Variants in TOGARAM1 observed in about 807,000 individuals in gnomAD.
TOGARAM1 encodes the protein TOG array regulator of axonemal microtubules 1.
A neutral mutation model predicts 166.6 loss-of-function variants in TOGARAM1; 100 were observed. The ratio of observed to expected loss-of-function variants is 0.60; its 90% CI spans 0.51 to 0.71. The LOEUF (loss-of-function observed/expected upper bound fraction) is 0.71, where lower values mean the gene tolerates loss of function less well. Among genes scored for constraint, TOGARAM1 ranks in the 30% least tolerant of loss-of-function variants. The pLI, the probability that TOGARAM1 is intolerant of heterozygous loss-of-function variation, is 0.00. For missense variants in TOGARAM1, 2,029 were observed against 2,102.7 expected, an observed-to-expected ratio of 0.96 and a Z score of 0.69; for synonymous variants, 758 against 763.8, an observed-to-expected ratio of 0.99 and a Z score of 0.13.
intron 1 of TOGARAM1, among the ~76,000 whole-genome samples, chr14:44,988,214 C>G (rs1886950642): frequency 6.6e-6 from 1 of 151,904 alleles, no homozygotes; most frequent in Non-Finnish European, 1.5e-5. Flanking sequence ...TGTAACAAAC[C>G]TGCACATTGT....
At chr14:45,061,399 T>A (rs1456105195) in intron 16 of TOGARAM1, among the ~76,000 whole-genome samples, 1 of 152,218 alleles carries the variant, frequency 6.6e-6, no homozygotes, top group East Asian at 1.9e-4. Context: ...ACCTTAATAC[T>A]GTGCTGGTTA....
At chr14:44,995,664 A>T in intron 1 of TOGARAM1, 82 bp from the exon 2 acceptor site, 1 of 952,712 alleles carries the variant, frequency 1.0e-6, no homozygotes, top group Admixed American at 2.7e-5. Context: ...TGAATTTCAT[A>T]ATTGGATCTA....
At chr14:45,009,210 T>A in intron 6 of TOGARAM1, 65 bp downstream of exon 6, 3 of 1,181,490 alleles carry the variant, frequency 2.5e-6, no homozygotes, top group Non-Finnish European at 2.4e-6. Context: ...AGCCCTAATA[T>A]CATATTTGTA....
rs1037674439 is a variant in TOGARAM1, at chr14:44,962,716, C to T, written c.295C>T (p.Leu99Phe). The T allele has an allele frequency of 1.2e-6, 2 of 1,613,916 alleles. No individual in the cohort carries two copies. The highest frequency in any genetic ancestry group is 1.7e-6 in the Non-Finnish European group (2 of 1,180,038). Reference sequence around the variant, plus strand: ...AGGGGGAGATGAAGAGGACACTCGGCTCCTTCAACTCCTCCGCACTGCCCG... The same window carrying T: ...AGGGGGAGATGAAGAGGACACTCGGTTCCTTCAACTCCTCCGCACTGCCCG... ...LSGGDEEDTR[L>F]LQLLRTARDP... The change falls in exon 1 of 20, where the codon CTC becomes TTC. Residue 99 changes from leucine (L) to phenylalanine (F), a missense_variant. Around this residue, in one of 2 missense-constraint regions of TOGARAM1, gnomAD observed 1,453 missense variants for 1,432.2 expected, o/e 1.01. Transcript: ENST00000361462.
At chr14:45,065,377 G>T (rs953698505) in intron 16 of TOGARAM1, among the ~76,000 whole-genome samples, 10 of 152,138 alleles carry the variant, frequency 6.6e-5, no homozygotes, top group Admixed American at 4.6e-4. Flanking sequence ...CAACACTAAT[G>T]ATGGCTGATG....
chr14:45,071,294 T>G (rs1883370469), intron 18 of TOGARAM1, among the ~76,000 whole-genome samples: 1 of 152,016 alleles, frequency 6.6e-6, no homozygotes, highest in Non-Finnish European at 1.5e-5. Context: ...AGTTTTTTTT[T>G]TTTTTTTTTT....
intron 11 of TOGARAM1, among the ~76,000 whole-genome samples, chr14:45,039,151 G>A (rs1215186914): frequency 6.6e-6 from 1 of 152,144 alleles, no homozygotes; most frequent in Non-Finnish European, 1.5e-5. Context: ...CTATCTGTAG[G>A]CAGGTTGTGC....
chr14:45,042,953 G>A (rs1881801792), intron 11 of TOGARAM1, among the ~76,000 whole-genome samples: 2 of 152,158 alleles, frequency 1.3e-5, no homozygotes, highest in East Asian at 3.8e-4. Flanking sequence ...GGAGATTAAT[G>A]TTGTTTTCAT....
intron 13 of TOGARAM1, among the ~76,000 whole-genome samples, chr14:45,045,497 A>G (rs985067058): frequency 1.3e-4 from 18 of 136,480 alleles, no homozygotes; most frequent in East Asian, 1.1e-3. Context: ...AAAAGACACT[A>G]TTTAATTCAT....
At chr14:45,039,657 C>T (rs1020337865) in intron 11 of TOGARAM1, among the ~76,000 whole-genome samples, 3 of 152,146 alleles carry the variant, frequency 2.0e-5, no homozygotes, top group African/African-American at 7.2e-5. Flanking sequence ...AACTTTGCTC[C>T]AAAATTGGAG....
intron 11 of TOGARAM1, among the ~76,000 whole-genome samples, chr14:45,040,343 T>G (rs780937401): frequency 6.6e-6 from 1 of 152,122 alleles, no homozygotes; most frequent in Non-Finnish European, 1.5e-5. Flanking sequence ...ACACCTATAT[T>G]AGAAAAGAAG....
intron 7 of TOGARAM1, among the ~76,000 whole-genome samples, chr14:45,023,977 G>A (rs2138897261): frequency 6.6e-6 from 1 of 152,272 alleles, no homozygotes; most frequent in Non-Finnish European, 1.5e-5. Context: ...CTGACCTCAG[G>A]TGATCTGCCC....
intron 1 of TOGARAM1, among the ~76,000 whole-genome samples, chr14:44,964,971 AAAG>A (rs1450727080): frequency 8.0e-5 from 12 of 150,656 alleles, no homozygotes; most frequent in Admixed American, 4.6e-4. Context: ...AAAAAAAAAA[AAAG>A]GAAAAAGAAA....
chr14:45,058,021 T>C (rs1275427877), intron 16 of TOGARAM1, among the ~76,000 whole-genome samples: 4 of 152,214 alleles, frequency 2.6e-5, no homozygotes, highest in African/African-American at 9.6e-5. Flanking sequence ...ATAATCTGCC[T>C]AGTACTGTGA....
rs574742974 is a variant in TOGARAM1, at chr14:45,060,139, C to T, written c.4559+5590C>T. On this transcript the variant is annotated intron_variant, in intron 16 of 19. Transcript: ENST00000361462. Reference sequence around the variant, plus strand: ...TTCACCGTGTTAGCCAGGATGGTCTCGATCTCCTGACCTTGTGATCTGCCC... The same window carrying T: ...TTCACCGTGTTAGCCAGGATGGTCTTGATCTCCTGACCTTGTGATCTGCCC... 2.7e-5 allele frequency among the ~76,000 whole-genome samples: 4 copies of T among 150,656 alleles called. No homozygotes were observed. The South Asian group carries it at 6.3e-4, about 24-fold the overall frequency.
chr14:45,065,713 G>C (rs190458631), intron 16 of TOGARAM1, among the ~76,000 whole-genome samples: 1 of 152,178 alleles, frequency 6.6e-6, no homozygotes, highest in African/African-American at 2.4e-5. Context: ...TCTTAGAAAG[G>C]CCTGCTTAGA....
At chr14:44,966,507 A>G (rs1045153341) in intron 1 of TOGARAM1, among the ~76,000 whole-genome samples, 5 of 152,134 alleles carry the variant, frequency 3.3e-5, no homozygotes, top group Non-Finnish European at 7.4e-5. Flanking sequence ...AATTAATTAC[A>G]AAAAGAGTAA....
At chr14:44,989,176 C>T (rs565698028) in intron 1 of TOGARAM1, among the ~76,000 whole-genome samples, 11 of 152,290 alleles carry the variant, frequency 7.2e-5, no homozygotes, top group African/African-American at 2.6e-4. Context: ...ATATCTTATA[C>T]AATGACATTG....
chr14:44,997,761 C>T (rs892936207), intron 2 of TOGARAM1, among the ~76,000 whole-genome samples: 1 of 151,450 alleles, frequency 6.6e-6, no homozygotes, highest in Non-Finnish European at 1.5e-5. Flanking sequence ...GAGATCACAC[C>T]ACTACACTCC....
Sources: gnomAD v4.1 joint callset for allele counts (sites outside exome capture counted in the v4.1 genomes callset) on GRCh38, gnomAD v4.1.1 for gene constraint, gnomAD v4.1.1 regional missense constraint, MANE v1.5 for transcripts, NCBI Gene and HGNC (gene_info 2026-07-23, HGNC 2026-07-21) for gene names.